Variants in KANK1 observed in about 807,000 individuals in gnomAD.
KANK1 encodes the protein KN motif and ankyrin repeat domain-containing protein 1.
KANK1 carries 109 observed loss-of-function variants against 106.2 expected under a neutral mutation model. The ratio of observed to expected loss-of-function variants is 1.03; its 90% CI spans 0.88 to 1.20. KANK1 has a LOEUF of 1.20. Ranked by LOEUF, KANK1 falls within the 50% of genes most tolerant of loss-of-function variation. The pLI, the probability that KANK1 is intolerant of heterozygous loss-of-function variation, is 0.00. For missense variants in KANK1, 2,399 were observed against 1,710.7 expected, an observed-to-expected ratio of 1.40 and a Z score of -7.10; for synonymous variants, 873 against 652.2, an observed-to-expected ratio of 1.34 and a Z score of -5.16.
At chr9:508,021 C>T (rs756354183) in intron 1 of KANK1, among the ~76,000 whole-genome samples, 16 of 150,274 alleles carry the variant, frequency 1.1e-4, no homozygotes, top group Non-Finnish European at 2.1e-4. Context: ...GGGGTTTTAC[C>T]ATGTTGGCCA....
At chr9:592,558 G>T (rs990843658) in intron 1 of KANK1, among the ~76,000 whole-genome samples, 1 of 151,666 alleles carries the variant, frequency 6.6e-6, no homozygotes, top group Admixed American at 6.6e-5. Context: ...AGAATCTGCC[G>T]GTCAGACCTG....
intron 1 of KANK1, among the ~76,000 whole-genome samples, chr9:579,508 A>G (rs1045111173): frequency 7.9e-5 from 12 of 152,160 alleles, no homozygotes; most frequent in Non-Finnish European, 1.6e-4. Flanking sequence ...TGTGTCGTCC[A>G]CAGCATGCAA....
intron 1 of KANK1, among the ~76,000 whole-genome samples, chr9:603,264 C>T (rs2804297): frequency 0.35 from 53,690 of 151,710 alleles, 11,733 homozygotes; most frequent in South Asian, 0.55. Context: ...TGGCACAAAT[C>T]TCAACTGGCA....
At chr9:512,249 G>GTGTGTGTGTGTGTGTGTGTGTGTATA (rs370159663) in intron 1 of KANK1, among the ~76,000 whole-genome samples, 100 of 149,614 alleles carry the variant, frequency 6.7e-4, no homozygotes, top group African/African-American at 2.4e-3. Context: ...GTGTGTGTGT[G>GTGTGTGTGTGTGTGTGTGTGTGTATA]TATGTATATA....
chr9:587,773 T>C (rs1386752065), intron 1 of KANK1, among the ~76,000 whole-genome samples: 1 of 152,138 alleles, frequency 6.6e-6, no homozygotes. Context: ...CAATTGAAGC[T>C]CAGAGAAATT....
intron 1 of KANK1, among the ~76,000 whole-genome samples, chr9:563,509 GC>G (rs1056235775): frequency 1.6e-4 from 24 of 152,116 alleles, no homozygotes; most frequent in Non-Finnish European, 3.1e-4. Context: ...AAAATATAAG[GC>G]TATTAATAAG....
chr9:556,486 A>C (rs2061591848), intron 1 of KANK1, among the ~76,000 whole-genome samples: 1 of 152,202 alleles, frequency 6.6e-6, no homozygotes, highest in Non-Finnish European at 1.5e-5. Flanking sequence ...TATAATTATT[A>C]AAGTGCTATG....
At chr9:731,496 C>T in intron 5 of KANK1, 1 of 369,958 alleles carries the variant, frequency 2.7e-6, no homozygotes, top group South Asian at 3.3e-5. Flanking sequence ...CGGTTTACAT[C>T]TCCTCACCTC....
intron 2 of KANK1, among the ~76,000 whole-genome samples, chr9:690,058 T>A (rs1250766502): frequency 7.2e-6 from 1 of 139,662 alleles, no homozygotes; most frequent in Non-Finnish European, 1.5e-5. Context: ...GAGGCTGAGG[T>A]GGGTGGATCA....
At chr9:563,082 C>G (rs1307653132) in intron 1 of KANK1, among the ~76,000 whole-genome samples, 2 of 152,106 alleles carry the variant, frequency 1.3e-5, no homozygotes, top group East Asian at 3.8e-4. Flanking sequence ...GAGATTAGAT[C>G]AAGTACTCTT....
chr9:603,039 T>G (rs1420749508), intron 1 of KANK1, among the ~76,000 whole-genome samples: 1 of 151,894 alleles, frequency 6.6e-6, no homozygotes, highest in Non-Finnish European at 1.5e-5. Context: ...AGAGCTCATT[T>G]GTGGGCCTTA....
intron 1 of KANK1, among the ~76,000 whole-genome samples, chr9:607,643 C>T (rs1829560350): frequency 6.6e-6 from 1 of 151,706 alleles, no homozygotes; most frequent in African/African-American, 2.4e-5. Context: ...TCACCCAGTC[C>T]AGGACGGCTA....
At position 742,394 on chromosome 9, in the gene KANK1, C is replaced by T. The variant is rs150176827; in HGVS notation, c.3886C>T (p.Leu1296=). 6.2e-7 allele frequency: 1 copy of T among 1,612,958 alleles called. No individual in the cohort carries two copies. Among genetic ancestry groups the T allele is most frequent in the East Asian group, 2.2e-5 (1 of 44,884 alleles). Residue 1296 remains leucine (L), a synonymous_variant, in exon 10 of 12, where the codon CTA becomes TTA. Coordinates refer to ENST00000382297, the MANE Select transcript of KANK1 (RefSeq NM_015158.5). ...GGCCCAGCCCGGCTGCAACGGTCACCTAGAGGACAACGTAAGCTGTCTCCA... is the reference window on the plus strand; with the variant it reads ...GGCCCAGCCCGGCTGCAACGGTCACTTAGAGGACAACGTAAGCTGTCTCCA... ...LLAQPGCNGH[L]EDNDGSTALS... is the part of the protein sequence containing the mutation.
intron 3 of KANK1, among the ~76,000 whole-genome samples, chr9:474,617 A>T (rs2058074576): frequency 6.6e-6 from 1 of 151,988 alleles, no homozygotes; most frequent in African/African-American, 2.4e-5. Flanking sequence ...TATGTGTGTA[A>T]TTTCTATGCC....
At chr9:630,882 G>T (rs964979767) in intron 1 of KANK1, among the ~76,000 whole-genome samples, 6 of 152,092 alleles carry the variant, frequency 3.9e-5, no homozygotes, top group African/African-American at 1.4e-4. Flanking sequence ...TTGAACCCGG[G>T]ATGTAGAGGT....
intron 1 of KANK1, among the ~76,000 whole-genome samples, chr9:541,696 G>C (rs1212096133): frequency 6.6e-6 from 1 of 152,154 alleles, no homozygotes; most frequent in East Asian, 1.9e-4. Context: ...TGTAGAATGG[G>C]ATAAAATGGT....
chr9:534,413 T>C (rs1286988258), intron 1 of KANK1, among the ~76,000 whole-genome samples: 1 of 152,198 alleles, frequency 6.6e-6, no homozygotes, highest in Non-Finnish European at 1.5e-5. Context: ...CAGAAAGTAA[T>C]GTAAGATGTG....
chr9:649,218 C>T (rs904935992), intron 1 of KANK1, among the ~76,000 whole-genome samples: 5 of 152,118 alleles, frequency 3.3e-5, no homozygotes, highest in African/African-American at 9.7e-5. Context: ...TTGCTATTCC[C>T]TCTCCACCTC....
chr9:629,349 C>G (rs1835124559), intron 1 of KANK1, among the ~76,000 whole-genome samples: 1 of 152,154 alleles, frequency 6.6e-6, no homozygotes, highest in Non-Finnish European at 1.5e-5. Flanking sequence ...CACTCTCTCT[C>G]TTCCCCCAGC....
Sources: gnomAD v4.1 joint callset for allele counts (sites outside exome capture counted in the v4.1 genomes callset) on GRCh38, gnomAD v4.1.1 for gene constraint, MANE v1.5 for transcripts, NCBI Gene and HGNC (gene_info 2026-07-23, HGNC 2026-07-21) for gene names.